Variants in CSMD1 observed in about 807,000 individuals in gnomAD.
The protein encoded by CSMD1 is CUB and sushi domain-containing protein 1.
In CSMD1, 213 loss-of-function variants were observed where a neutral mutation model predicts 417.5. That is an observed-to-expected ratio of 0.51 (90% confidence interval 0.46 to 0.57). The LOEUF (loss-of-function observed/expected upper bound fraction) is 0.57. Ranked by LOEUF, CSMD1 falls within the 20% of genes least tolerant of loss-of-function variation. CSMD1 has a pLI of 0.00. For missense variants in CSMD1, 6,923 were observed against 4,529.7 expected (o/e 1.53, Z -15.17); for synonymous variants, 2,862 against 1,736.8 (o/e 1.65, Z -16.11).
chr8:4,851,049 T>C (rs902361103), intron 1 of CSMD1, among the ~76,000 whole-genome samples: 5 of 151,990 alleles, frequency 3.3e-5, no homozygotes, highest in African/African-American at 1.2e-4. Context: ...GCTGCACCCA[T>C]TAACACATCA....
At chr8:3,436,505 T>G (rs1308128628) in intron 12 of CSMD1, among the ~76,000 whole-genome samples, 2 of 152,232 alleles carry the variant, frequency 1.3e-5, no homozygotes, top group African/African-American at 4.8e-5. Context: ...AAATTAATTA[T>G]GTAAATTAAG....
Position 4,306,270 on chromosome 8 carries a change from TG to T in CSMD1, c.415+113682del, listed in dbSNP as rs565009965. Among the ~76,000 whole-genome samples, 225 of 152,298 alleles carry T rather than the reference TG, an allele frequency of 1.5e-3. 1 individual carries two copies. The highest frequency in any genetic ancestry group is 5.2e-3 in the African/African-American group (218 of 41,582). ...ATACGTGGTGGCACAAGTTGTAGAA[TG>T]GCCCTTCCTGAATAGACACTAAATA... is the stretch of plus-strand genomic sequence containing the variant. On this transcript the variant is annotated intron_variant, in intron 3 of 69. Transcript: ENST00000635120.
chr8:4,985,895 C>T (rs958617596), intron 1 of CSMD1, among the ~76,000 whole-genome samples: 2 of 152,130 alleles, frequency 1.3e-5, no homozygotes, highest in African/African-American at 4.8e-5. Flanking sequence ...AGAGACACAA[C>T]AAGAATTGCA....
At chr8:4,769,070 C>T (rs1389408580) in intron 1 of CSMD1, among the ~76,000 whole-genome samples, 5 of 152,172 alleles carry the variant, frequency 3.3e-5, no homozygotes, top group African/African-American at 9.7e-5. Context: ...GTGAGGCAAA[C>T]AGTTAACAGC....
At chr8:3,363,354 A>C (rs1296500204) in intron 20 of CSMD1, among the ~76,000 whole-genome samples, 1 of 152,220 alleles carries the variant, frequency 6.6e-6, no homozygotes, top group East Asian at 1.9e-4. Context: ...ATTATGGGAA[A>C]GGAATAATTT....
At chr8:4,607,985 T>C (rs781160422) in intron 2 of CSMD1, among the ~76,000 whole-genome samples, 1 of 152,128 alleles carries the variant, frequency 6.6e-6, no homozygotes, top group Non-Finnish European at 1.5e-5. Flanking sequence ...TGTTATTATA[T>C]ACAGTGGTCA....
intron 1 of CSMD1, among the ~76,000 whole-genome samples, chr8:4,694,443 C>T (rs1806984920): frequency 3.3e-5 from 5 of 152,000 alleles, no homozygotes; most frequent in Admixed American, 1.3e-4. Context: ...CCCCTGCCTC[C>T]CGGATTCAAG....
At chr8:4,914,972 A>T (rs966359668) in intron 1 of CSMD1, among the ~76,000 whole-genome samples, 1 of 152,232 alleles carries the variant, frequency 6.6e-6, no homozygotes, top group South Asian at 2.1e-4. Context: ...ATTCCGTTTC[A>T]TGTGAAATTA....
chr8:3,806,531 A>G (rs1028411221), intron 5 of CSMD1, among the ~76,000 whole-genome samples: 5 of 152,186 alleles, frequency 3.3e-5, no homozygotes, highest in African/African-American at 9.7e-5. Context: ...TTTGAGGCAT[A>G]TTCACTCACT....
At chr8:4,551,812 G>C (rs2130567014) in intron 2 of CSMD1, among the ~76,000 whole-genome samples, 1 of 151,958 alleles carries the variant, frequency 6.6e-6, no homozygotes, top group Middle Eastern at 3.4e-3. Flanking sequence ...CCTAGTAGCT[G>C]GGATACCTGG....
chr8:3,367,646 G>T (rs1809685216), intron 19 of CSMD1, among the ~76,000 whole-genome samples: 1 of 151,948 alleles, frequency 6.6e-6, no homozygotes, highest in African/African-American at 2.4e-5. Context: ...AAAAGCAGAA[G>T]GGATAAACAA....
intron 1 of CSMD1, among the ~76,000 whole-genome samples, chr8:4,692,063 C>G (rs773598635): frequency 3.3e-5 from 5 of 152,178 alleles, no homozygotes; most frequent in Non-Finnish European, 7.3e-5. Flanking sequence ...GGGCACACAA[C>G]CTACCCTACA....
At chr8:4,201,217 G>A (rs932832266) in intron 3 of CSMD1, among the ~76,000 whole-genome samples, 2 of 152,144 alleles carry the variant, frequency 1.3e-5, no homozygotes, top group Admixed American at 1.3e-4. Flanking sequence ...ATGGCACAAA[G>A]AAAATACTGG....
At chr8:3,668,041 T>G (rs1433659233) in intron 7 of CSMD1, among the ~76,000 whole-genome samples, 1 of 152,092 alleles carries the variant, frequency 6.6e-6, no homozygotes, top group African/African-American at 2.4e-5. Flanking sequence ...CCAGTCCCCA[T>G]CCCAAGGATG....
chr8:3,568,748 T>A (rs1282592453), intron 10 of CSMD1, among the ~76,000 whole-genome samples: 1 of 152,120 alleles, frequency 6.6e-6, no homozygotes, highest in Non-Finnish European at 1.5e-5. Flanking sequence ...TATATATATG[T>A]ATGCATGCAT....
At chr8:3,879,753 G>A (rs1040605340) in intron 5 of CSMD1, among the ~76,000 whole-genome samples, 2 of 152,192 alleles carry the variant, frequency 1.3e-5, no homozygotes, top group African/African-American at 2.4e-5. Context: ...GGACTAGCAC[G>A]TTTTTCTATG....
chr8:4,455,985 CAAACAAT>C (rs1157308386), intron 2 of CSMD1, among the ~76,000 whole-genome samples: 6 of 40,682 alleles, frequency 1.5e-4, no homozygotes, highest in Non-Finnish European at 3.0e-4. Flanking sequence ...TATTAGAAGA[CAAACAAT>C]AAATTGCTTA....
intron 23 of CSMD1, among the ~76,000 whole-genome samples, chr8:3,338,511 C>G (rs1317243230): frequency 1.3e-5 from 2 of 152,222 alleles, no homozygotes; most frequent in African/African-American, 4.8e-5. Flanking sequence ...GATGAGAAAT[C>G]TGGTTGTGGG....
intron 3 of CSMD1, among the ~76,000 whole-genome samples, chr8:4,360,257 A>C (rs1341420037): frequency 6.6e-6 from 1 of 152,098 alleles, no homozygotes; most frequent in African/African-American, 2.4e-5. Flanking sequence ...ATGAACACAC[A>C]TCTACCTCCC....
Sources: gnomAD v4.1 joint callset for allele counts (sites outside exome capture counted in the v4.1 genomes callset) on GRCh38, gnomAD v4.1.1 for gene constraint, MANE v1.5 for transcripts, NCBI Gene and HGNC (gene_info 2026-07-23, HGNC 2026-07-21) for gene names.